Variants in SLC9A9 observed in about 807,000 individuals in gnomAD.
The protein encoded by SLC9A9 is sodium/hydrogen exchanger 9.
SLC9A9 carries 62 observed loss-of-function variants against 77.8 expected under a neutral mutation model. The ratio of observed to expected loss-of-function variants is 0.80; its 90% CI spans 0.65 to 0.98. The LOEUF (loss-of-function observed/expected upper bound fraction) is 0.98, where lower values mean the gene tolerates loss of function less well. Among genes scored for constraint, SLC9A9 ranks in the 50% least tolerant of loss-of-function variants. The pLI is 0.00. For synonymous variants in SLC9A9, 320 were observed against 283.5 expected, an observed-to-expected ratio of 1.13 and a Z score of -1.29; for missense variants, 775 against 774.9, an observed-to-expected ratio of 1.00 and a Z score of 0.00.
At chr3:143,514,429 G>A (rs1020923673) in intron 9 of SLC9A9, among the ~76,000 whole-genome samples, 3 of 152,086 alleles carry the variant, frequency 2.0e-5, no homozygotes, top group Admixed American at 2.0e-4. Context: ...TAACAAGAAG[G>A]TCAGCCTGTC....
chr3:143,751,718 G>C (rs2006723421), intron 4 of SLC9A9, among the ~76,000 whole-genome samples: 1 of 152,202 alleles, frequency 6.6e-6, no homozygotes, highest in Admixed American at 6.5e-5. Flanking sequence ...CTATCTGTGA[G>C]AGGGATGACA....
intron 8 of SLC9A9, among the ~76,000 whole-genome samples, chr3:143,556,489 G>T (rs549302074): frequency 1.3e-5 from 2 of 152,200 alleles, no homozygotes; most frequent in African/African-American, 2.4e-5. Context: ...TGCTCTTCCT[G>T]CTAGCTTCAT....
intron 8 of SLC9A9, among the ~76,000 whole-genome samples, chr3:143,555,974 A>G (rs1381866442): frequency 3.3e-5 from 5 of 152,256 alleles, no homozygotes; most frequent in Non-Finnish European, 5.9e-5. Context: ...TCCATAGCTT[A>G]GTAATAAATT....
At chr3:143,705,046 G>T (rs57466676) in intron 4 of SLC9A9, among the ~76,000 whole-genome samples, 11,652 of 37,748 alleles carry the variant, frequency 0.31, 706 homozygotes, top group East Asian at 0.43. Context: ...TATCTATATA[G>T]ATATAGATAT....
chr3:143,506,843 A>G (rs1290085081), intron 9 of SLC9A9, among the ~76,000 whole-genome samples: 6 of 152,170 alleles, frequency 3.9e-5, no homozygotes, highest in African/African-American at 7.2e-5. Flanking sequence ...GCCAATAAGT[A>G]CTAACTAAAG....
In SLC9A9 at chr3:143,652,358, T is replaced by G; in HGVS notation, c.652A>C (p.Thr218Pro). The G allele has an allele frequency of 6.2e-7, 1 of 1,611,470 alleles. No homozygotes were observed. The highest frequency in any genetic ancestry group is 8.5e-7 in the Non-Finnish European group (1 of 1,178,722). ...GSLMSATDPV[T>P]VLAIFHELHV... ...AGTTCATGGAAAATGGCCAGCACTG[T>G]CACTAGGAAGACACACACAAACATG... Residue 218 changes from threonine to proline, a missense_variant and splice_region_variant, in exon 6 of 16, where the codon ACA becomes CCA. By Grantham distance (38) the Thr-to-Pro change is conservative (BLOSUM62 -1). Transcript: ENST00000316549.
chr3:143,495,911 A>G (rs2035827469), intron 9 of SLC9A9, among the ~76,000 whole-genome samples: 1 of 152,198 alleles, frequency 6.6e-6, no homozygotes. Flanking sequence ...CTTCTCAGGC[A>G]GGCAGGAGGG....
At chr3:143,363,382 G>T in intron 14 of SLC9A9, 102 bp downstream of exon 14, 1 of 1,027,158 alleles carries the variant, frequency 9.7e-7, no homozygotes, top group Non-Finnish European at 1.5e-6. Context: ...TTTACCTTTT[G>T]GTGTTTCTTG....
At chr3:143,356,278 C>T (rs773206116) in intron 14 of SLC9A9, among the ~76,000 whole-genome samples, 16 of 152,108 alleles carry the variant, frequency 1.1e-4, no homozygotes, top group Non-Finnish European at 1.6e-4. Flanking sequence ...TCTGAGAGGC[C>T]AGTGAATCAG....
chr3:143,646,412 C>G (rs1307409744), intron 6 of SLC9A9, among the ~76,000 whole-genome samples: 1 of 147,928 alleles, frequency 6.8e-6, no homozygotes, highest in Non-Finnish European at 1.5e-5. Flanking sequence ...GAATTTTTAA[C>G]CAAGCTAGAT....
At chr3:143,518,266 C>A in intron 9 of SLC9A9, 3 of 1,510,902 alleles carry the variant, frequency 2.0e-6, no homozygotes. Context: ...GGGGCTGCAG[C>A]CCGGTTCCAG....
chr3:143,358,446 T>C (rs2032651896), intron 14 of SLC9A9, among the ~76,000 whole-genome samples: 1 of 152,250 alleles, frequency 6.6e-6, no homozygotes, highest in Non-Finnish European at 1.5e-5. Flanking sequence ...TCAGTTGATG[T>C]TGGCATACAG....
intron 12 of SLC9A9, among the ~76,000 whole-genome samples, chr3:143,452,034 A>G (rs2035016295): frequency 6.6e-6 from 1 of 152,140 alleles, no homozygotes; most frequent in African/African-American, 2.4e-5. Context: ...AAGAAACTCA[A>G]TTTAATAGGA....
chr3:143,498,015 A>G (rs561381248), intron 9 of SLC9A9, among the ~76,000 whole-genome samples: 87 of 152,304 alleles, frequency 5.7e-4, no homozygotes, highest in Non-Finnish European at 1.1e-3. Context: ...TACATTTTAC[A>G]TGGAGGCCCA....
At chr3:143,794,273 A>G (rs1303769710) in intron 4 of SLC9A9, among the ~76,000 whole-genome samples, 1 of 152,204 alleles carries the variant, frequency 6.6e-6, no homozygotes, top group East Asian at 1.9e-4. Context: ...AGTTGACTGT[A>G]TCAGATAATT....
chr3:143,731,310 G>A (rs1201772829), intron 4 of SLC9A9, among the ~76,000 whole-genome samples: 1 of 152,188 alleles, frequency 6.6e-6, no homozygotes, highest in East Asian at 1.9e-4. Flanking sequence ...TGATTCCCAA[G>A]TCTAAGTTCC....
chr3:143,534,543 A>AT (rs966522589), intron 9 of SLC9A9, among the ~76,000 whole-genome samples: 30 of 151,506 alleles, frequency 2.0e-4, no homozygotes, highest in African/African-American at 7.3e-4. Flanking sequence ...AGATGGTGGG[A>AT]TTTTTTTTTA....
chr3:143,811,510 G>T (rs557451124), intron 2 of SLC9A9, among the ~76,000 whole-genome samples: 16 of 152,176 alleles, frequency 1.1e-4, no homozygotes, highest in Admixed American at 7.2e-4. Context: ...ATGTAATAAT[G>T]AATTTAAAGG....
intron 5 of SLC9A9, among the ~76,000 whole-genome samples, chr3:143,670,556 CGT>C (rs1279075670): frequency 6.6e-6 from 1 of 152,192 alleles, no homozygotes; most frequent in East Asian, 1.9e-4. Context: ...CAGGTGACGT[CGT>C]CTGTGGCCCT....
Sources: allele counts gnomAD v4.1 joint callset (sites outside exome capture counted in the v4.1 genomes callset), GRCh38; gene constraint gnomAD v4.1.1; transcripts MANE v1.5; gene names NCBI Gene and HGNC (gene_info 2026-07-23, HGNC 2026-07-21).